PLD1: variants seen among roughly 807,000 people sequenced by gnomAD.
PLD1 encodes choline phosphatase 1.
In PLD1, 112 loss-of-function variants were observed where a neutral mutation model predicts 137.1. The observed-to-expected ratio is 0.82, with a 90% CI of 0.70 to 0.96. PLD1 has a LOEUF of 0.96. Among genes scored for constraint, PLD1 ranks in the 40% least tolerant of loss-of-function variants. The pLI, the probability that PLD1 is intolerant of heterozygous loss-of-function variation, is 0.00. For synonymous variants in PLD1, 431 were observed against 454.7 expected, an observed-to-expected ratio of 0.95 and a Z score of 0.66; for missense variants, 1,321 against 1,342.0, an observed-to-expected ratio of 0.98 and a Z score of 0.24.
Position 171,787,890 on chromosome 3 carries a change from T to C in PLD1, c.-32+22509A>G, listed in dbSNP as rs796972831. Among the ~76,000 whole-genome samples, 3 of 151,222 alleles carry C rather than the reference T, an allele frequency of 2.0e-5. No individual in the cohort carries two copies. In the South Asian group the frequency reaches 6.3e-4, roughly 32 times the overall value. The stretch of plus-strand genomic sequence containing the variant: ...AAAATATTTTGTAAGAAAAAAAAAA[T>C]TGTATGATTGTCAGCCTCAAGAAAA... On this transcript the variant is annotated intron_variant, in intron 1 of 26. Coordinates refer to ENST00000351298, the MANE Select transcript of PLD1 (RefSeq NM_002662.5).
chr3:171,749,407 T>A (rs1720497312), intron 1 of PLD1, among the ~76,000 whole-genome samples: 1 of 152,178 alleles, frequency 6.6e-6, no homozygotes, highest in South Asian at 2.1e-4. Flanking sequence ...TAAAAGGGAC[T>A]AAATAACCAC....
At chr3:171,620,988 G>C (rs1733586984) in intron 23 of PLD1, among the ~76,000 whole-genome samples, 1 of 151,778 alleles carries the variant, frequency 6.6e-6, no homozygotes, top group Admixed American at 6.6e-5. Context: ...CAGATGCAAG[G>C]TGTGTGCCAA....
chr3:171,635,280 T>C (rs1475157523), intron 23 of PLD1, among the ~76,000 whole-genome samples: 1 of 152,196 alleles, frequency 6.6e-6, no homozygotes, highest in East Asian at 1.9e-4. Context: ...TTTGGGTAAA[T>C]GTTAAGGAGT....
chr3:171,709,490 G>C (rs749563934), intron 10 of PLD1, 70 bp downstream of exon 10: 7 of 1,318,880 alleles, frequency 5.3e-6, no homozygotes, highest in Non-Finnish European at 7.5e-6. Flanking sequence ...ACTGATTCCA[G>C]GTGAATTTAG....
chr3:171,670,941 T>C (rs952328194), intron 19 of PLD1, among the ~76,000 whole-genome samples: 4 of 152,218 alleles, frequency 2.6e-5, no homozygotes, highest in Admixed American at 2.0e-4. Context: ...TAGAAAGTCA[T>C]TAACACCTGT....
At chr3:171,627,985 G>T (rs995736495) in intron 23 of PLD1, among the ~76,000 whole-genome samples, 2 of 151,568 alleles carry the variant, frequency 1.3e-5, no homozygotes, top group African/African-American at 4.9e-5. Flanking sequence ...TCAAAAGCTA[G>T]CAGAAGGCAA....
At chr3:171,769,678 A>T (rs912789967) in intron 1 of PLD1, among the ~76,000 whole-genome samples, 1 of 152,206 alleles carries the variant, frequency 6.6e-6, no homozygotes, top group Non-Finnish European at 1.5e-5. Context: ...CAGCCATAAC[A>T]TTGTAACTTC....
rs992136892 is a variant in PLD1, at chr3:171,810,450, G to A, written c.-83C>T. On this transcript the variant is annotated 5_prime_UTR_variant, in exon 1 of 27. Transcript: ENST00000351298. ...CTGCGCGTTGGCGGCGGACTCTCAG[G>A]GCTCGGGTGCCTCTGGCACAGCTGG... 1 of 152,278 alleles carries A rather than the reference G, an allele frequency of 6.6e-6. No homozygotes were observed. Among genetic ancestry groups the A allele is most frequent in the Non-Finnish European group, 1.5e-5 (1 of 68,100 alleles). 9.4% of individuals were successfully genotyped at this position (152,278 alleles called of 1,614,324 possible).
intron 1 of PLD1, among the ~76,000 whole-genome samples, chr3:171,738,669 A>C: frequency 6.6e-6 from 1 of 152,242 alleles, no homozygotes; most frequent in East Asian, 1.9e-4. Flanking sequence ...ATAATGACGT[A>C]TGTGTCTTGA....
At chr3:171,795,601 C>G (rs1048722559) in intron 1 of PLD1, among the ~76,000 whole-genome samples, 1 of 152,196 alleles carries the variant, frequency 6.6e-6, no homozygotes, top group African/African-American at 2.4e-5. Flanking sequence ...GGCTCCTTAT[C>G]TTAGGAGAAA....
Position 171,706,124 on chromosome 3 carries a change from G to GTCTATCTATCTATCTA in PLD1, c.1145+2615_1145+2630dup, listed in dbSNP as rs59943551. 6.5e-4 allele frequency among the ~76,000 whole-genome samples: 95 copies of GTCTATCTATCTATCTA among 146,872 alleles called. 1 individual carries two copies. The highest frequency in any genetic ancestry group is 2.5e-3 in the East Asian group (12 of 4,896). On this transcript the variant is annotated intron_variant, in intron 11 of 26. Transcript: ENST00000351298. Reference sequence around the variant, plus strand: ...ACCCAAACCAACACCGGGTCAGTCAGTCTATCTATCTATCTATCTATCTAT... The same window carrying GTCTATCTATCTATCTA: ...ACCCAAACCAACACCGGGTCAGTCAGTCTATCTATCTATCTATCTATCTATCTATCTATCTATCTAT...
intron 22 of PLD1, among the ~76,000 whole-genome samples, chr3:171,643,562 G>A (rs186658390): frequency 2.7e-4 from 41 of 152,054 alleles, no homozygotes; most frequent in African/African-American, 9.6e-4. Flanking sequence ...CATAATAAAA[G>A]GTTATAGTTT....
chr3:171,677,534 T>C, intron 17 of PLD1, 32 bp downstream of exon 17: 4 of 1,603,654 alleles, frequency 2.5e-6, no homozygotes, highest in South Asian at 2.2e-5. Context: ...AAAGACAAAA[T>C]ATAACCAGCA....
At chr3:171,641,418 C>T (rs1735731224) in intron 23 of PLD1, among the ~76,000 whole-genome samples, 1 of 152,126 alleles carries the variant, frequency 6.6e-6, no homozygotes, top group African/African-American at 2.4e-5. Flanking sequence ...TAATTTCTTA[C>T]TTTTAAGCTA....
intron 1 of PLD1, among the ~76,000 whole-genome samples, chr3:171,739,804 A>C (rs959860923): frequency 4.6e-5 from 7 of 152,186 alleles, no homozygotes; most frequent in Admixed American, 2.6e-4. Flanking sequence ...GTAAGTGGTG[A>C]AGAAGGGACT....
At chr3:171,759,388 T>C (rs932478159) in intron 1 of PLD1, among the ~76,000 whole-genome samples, 1 of 152,222 alleles carries the variant, frequency 6.6e-6, no homozygotes. Flanking sequence ...ATACTAATTT[T>C]TTTCCTTTTC....
chr3:171,632,220 A>G (rs1360474724), intron 23 of PLD1, among the ~76,000 whole-genome samples: 1 of 152,192 alleles, frequency 6.6e-6, no homozygotes, highest in African/African-American at 2.4e-5. Context: ...CTATAGAGCA[A>G]CTGGCCTGTA....
intron 1 of PLD1, chr3:171,788,528 T>C (rs558906007): frequency 1.6e-4 from 25 of 152,320 alleles, no homozygotes; most frequent in African/African-American, 6.0e-4. Context: ...CGTCTCTCTA[T>C]TAGCTTCCCA....
At chr3:171,681,573 T>C (rs1483288745) in intron 16 of PLD1, among the ~76,000 whole-genome samples, 1 of 152,212 alleles carries the variant, frequency 6.6e-6, no homozygotes, top group Admixed American at 6.5e-5. Context: ...ATACAGGCAC[T>C]GAACAAGTTA....
Sources: allele counts gnomAD v4.1 joint callset (sites outside exome capture counted in the v4.1 genomes callset), GRCh38; gene constraint gnomAD v4.1.1; transcripts MANE v1.5; gene names NCBI Gene and HGNC (gene_info 2026-07-23, HGNC 2026-07-21).